CBLB: variants seen among roughly 807,000 people sequenced by gnomAD.
CBLB encodes the protein Cbl proto-oncogene B, also known as E3 ubiquitin-protein ligase CBL-B.
CBLB carries 31 observed loss-of-function variants against 104.9 expected under a neutral mutation model. The ratio of observed to expected loss-of-function variants is 0.30; its 90% CI spans 0.22 to 0.40. The LOEUF is 0.40. Ranked by LOEUF, CBLB falls within the 10% of genes least tolerant of loss-of-function variation. The pLI is 1.00. For synonymous variants in CBLB, 440 were observed against 422.6 expected, an observed-to-expected ratio of 1.04 and a Z score of -0.51; for missense variants, 1,062 against 1,214.6, an observed-to-expected ratio of 0.87 and a Z score of 1.87.
At chr3:105,685,516 A>G (rs1465473836) in intron 13 of CBLB, 50 bp from the exon 14 acceptor site, 1 of 1,486,452 alleles carries the variant, frequency 6.7e-7, no homozygotes, top group East Asian at 2.3e-5. Flanking sequence ...TATTCAAAAC[A>G]GGCAAGTCTG....
intron 16 of CBLB, chr3:105,681,033 A>C (rs1249176182): frequency 5.7e-6 from 1 of 176,958 alleles, no homozygotes; most frequent in African/African-American, 2.4e-5. Context: ...AGAATAAAAC[A>C]GAATTTATTA....
At chr3:105,868,302 C>T in intron 1 of CBLB, 2 of 972,044 alleles carry the variant, frequency 2.1e-6, no homozygotes, top group Non-Finnish European at 2.7e-6. Flanking sequence ...ACTTCTCTGG[C>T]TCCTCGCCTC....
rs1237898868 is a variant in CBLB, at chr3:105,702,136, C to A, written c.1917G>T (p.Met639Ile). 6.2e-7 allele frequency: 1 copy of A among 1,614,156 alleles called. No homozygotes were observed. The highest frequency in any genetic ancestry group is 8.5e-7 in the Non-Finnish European group (1 of 1,180,010). ...GCAAATCATGGCGTCTGTGTTTCCGCATAAGCACTGGGTCAGAGCCCACTC... is the reference window on the plus strand; with the variant it reads ...GCAAATCATGGCGTCTGTGTTTCCGAATAAGCACTGGGTCAGAGCCCACTC... ...HSRVGSDPVL[M>I]RKHRRHDLPL... The change falls in exon 12 of 19, where the codon ATG becomes ATT. Residue 639 changes from methionine to isoleucine, a missense_variant. This residue lies in a region of CBLB where 605 missense variants were observed against 582.6 expected (regional missense o/e 1.04). Transcript: ENST00000394030.
chr3:105,748,772 C>T (rs962288625), intron 5 of CBLB, among the ~76,000 whole-genome samples: 5 of 152,160 alleles, frequency 3.3e-5, no homozygotes, highest in Admixed American at 2.6e-4. Context: ...AGGAAGCAAA[C>T]ATTTTTACTT....
chr3:105,789,035 T>A (rs2081342052), intron 3 of CBLB, among the ~76,000 whole-genome samples: 1 of 152,134 alleles, frequency 6.6e-6, no homozygotes, highest in South Asian at 2.1e-4. Flanking sequence ...CAACATTATA[T>A]GAAGCAGAAA....
At chr3:105,852,571 T>A (rs896529866) in intron 3 of CBLB, among the ~76,000 whole-genome samples, 10 of 152,194 alleles carry the variant, frequency 6.6e-5, no homozygotes, top group African/African-American at 2.2e-4. Context: ...GAAATTTTTT[T>A]TATAAATTTA....
Position 105,787,146 on chromosome 3 carries a change from T to C in CBLB, c.420-10604A>G, listed in dbSNP as rs182731540. Among the ~76,000 whole-genome samples the C allele has an allele frequency of 2.0e-4, 31 of 152,334 alleles. No individual in the cohort carries two copies. The South Asian group carries it at 3.3e-3, about 16-fold the overall frequency. ...GCAGTACAATTTCCCTGAACCACTATAGAAGTCTTAAACTTTCTGAATACA... is the reference window on the plus strand; with the variant it reads ...GCAGTACAATTTCCCTGAACCACTACAGAAGTCTTAAACTTTCTGAATACA... On this transcript the variant is annotated intron_variant, in intron 3 of 18. Coordinates refer to ENST00000394030, the MANE Select transcript of CBLB (RefSeq NM_170662.5).
intron 3 of CBLB, among the ~76,000 whole-genome samples, chr3:105,812,074 T>C (rs1182804840): frequency 6.6e-6 from 1 of 152,154 alleles, no homozygotes; most frequent in Non-Finnish European, 1.5e-5. Context: ...TTTGTTGTTT[T>C]AACTTACCTG....
intron 2 of CBLB, among the ~76,000 whole-genome samples, chr3:105,860,798 G>C (rs561434964): frequency 6.6e-6 from 1 of 152,206 alleles, no homozygotes; most frequent in Non-Finnish European, 1.5e-5. Flanking sequence ...TACTCATGCT[G>C]CCTAAAACCC....
chr3:105,797,116 G>A (rs780612979), intron 3 of CBLB, among the ~76,000 whole-genome samples: 4 of 152,064 alleles, frequency 2.6e-5, no homozygotes, highest in South Asian at 4.1e-4. Flanking sequence ...ATCATTCTAC[G>A]ATAAAGACAC....
chr3:105,813,512 T>C (rs2084584611), intron 3 of CBLB, among the ~76,000 whole-genome samples: 1 of 152,092 alleles, frequency 6.6e-6, no homozygotes, highest in Admixed American at 6.5e-5. Flanking sequence ...TGTCTGACTA[T>C]AAAAATGAGT....
intron 2 of CBLB, among the ~76,000 whole-genome samples, chr3:105,857,940 A>G (rs1424476715): frequency 6.6e-6 from 1 of 152,232 alleles, no homozygotes; most frequent in Admixed American, 6.5e-5. Context: ...GAGTGTCAGG[A>G]AATACATACT....
At chr3:105,738,141 C>G (rs906923237) in intron 7 of CBLB, among the ~76,000 whole-genome samples, 1 of 152,156 alleles carries the variant, frequency 6.6e-6, no homozygotes, top group South Asian at 2.1e-4. Flanking sequence ...TCTTTCTATA[C>G]TAAATTTCTT....
intron 14 of CBLB, among the ~76,000 whole-genome samples, chr3:105,683,591 A>T (rs975182415): frequency 6.6e-6 from 1 of 152,220 alleles, no homozygotes; most frequent in African/African-American, 2.4e-5. Flanking sequence ...GAGACCAAAA[A>T]AAGCTCATCC....
intron 5 of CBLB, among the ~76,000 whole-genome samples, chr3:105,748,353 T>G (rs1334645602): frequency 6.6e-6 from 1 of 152,192 alleles, no homozygotes; most frequent in Non-Finnish European, 1.5e-5. Flanking sequence ...TTACTACAAC[T>G]GAGGACTTTC....
chr3:105,860,622 T>C (rs1401435230), intron 2 of CBLB, among the ~76,000 whole-genome samples: 1 of 152,234 alleles, frequency 6.6e-6, no homozygotes, highest in Admixed American at 6.5e-5. Context: ...GTCCAGAACA[T>C]AGTTAGCCCT....
chr3:105,668,149 G>A (rs2064677399), intron 18 of CBLB, among the ~76,000 whole-genome samples: 1 of 152,156 alleles, frequency 6.6e-6, no homozygotes, highest in Non-Finnish European at 1.5e-5. Context: ...AGCTAGCTGG[G>A]CCCTCAGAGT....
intron 3 of CBLB, among the ~76,000 whole-genome samples, chr3:105,796,564 T>C (rs1448218749): frequency 2.0e-5 from 3 of 152,078 alleles, no homozygotes; most frequent in African/African-American, 7.2e-5. Flanking sequence ...CCAAAAGCAA[T>C]TGCAACAAAA....
At chr3:105,836,789 G>C (rs1009611926) in intron 3 of CBLB, among the ~76,000 whole-genome samples, 3 of 152,070 alleles carry the variant, frequency 2.0e-5, no homozygotes, top group Non-Finnish European at 4.4e-5. Flanking sequence ...GCTATGTGAG[G>C]GGGCGCAACG....
Sources: allele counts gnomAD v4.1 joint callset (sites outside exome capture counted in the v4.1 genomes callset), GRCh38; gene constraint gnomAD v4.1.1; regional missense constraint gnomAD v4.1.1; transcripts MANE v1.5; gene names NCBI Gene and HGNC (gene_info 2026-07-23, HGNC 2026-07-21).